Variants in RRM1 observed in about 807,000 individuals in gnomAD.
RRM1 encodes ribonucleoside-diphosphate reductase large subunit.
In RRM1, 19 loss-of-function variants were observed where a neutral mutation model predicts 101.5. The ratio of observed to expected loss-of-function variants is 0.19; its 90% CI spans 0.13 to 0.27. The LOEUF is 0.27. Among genes scored for constraint, RRM1 ranks in the 10% least tolerant of loss-of-function variants. RRM1 has a pLI of 1.00. For missense variants in RRM1, 500 were observed against 962.9 expected (o/e 0.52, Z 6.36); for synonymous variants, 298 against 323.4 (o/e 0.92, Z 0.84).
At chr11:4,109,367 G>GA (rs1473122020) in intron 4 of RRM1, among the ~76,000 whole-genome samples, 11 of 151,994 alleles carry the variant, frequency 7.2e-5, no homozygotes, top group African/African-American at 2.7e-4. Context: ...TAAAAGTTTG[G>GA]AAAATCACAT....
chr11:4,116,301 C>T (rs1245569670), intron 7 of RRM1: 9 of 152,238 alleles, frequency 5.9e-5, no homozygotes, highest in Admixed American at 5.2e-4. Flanking sequence ...TCACCGGAGT[C>T]CAATCACTGT....
In RRM1 at chr11:4,101,450, T is replaced by A. The variant is rs890103427; in HGVS notation, c.20-543T>A. Reference sequence around the variant, plus strand: ...GCCTTAGCCTCCCGAATAGCTGGGATTATAGGCCCCTGCCACCATGCCCAG... The same window carrying A: ...GCCTTAGCCTCCCGAATAGCTGGGAATATAGGCCCCTGCCACCATGCCCAG... On this transcript the variant is annotated intron_variant, in intron 1 of 18. Coordinates refer to ENST00000300738, the MANE Select transcript of RRM1 (RefSeq NM_001033.5). Among the ~76,000 whole-genome samples, 4 of 151,650 alleles carry A rather than the reference T, an allele frequency of 2.6e-5. No homozygotes were observed. In the East Asian group the frequency reaches 7.7e-4, roughly 29 times the overall value.
At chr11:4,124,021 T>C (rs1172526332) in intron 12 of RRM1, among the ~76,000 whole-genome samples, 9 of 152,188 alleles carry the variant, frequency 5.9e-5, no homozygotes, top group Non-Finnish European at 1.5e-5. Flanking sequence ...GTCTGTATGA[T>C]ACACCAGAGA....
intron 1 of RRM1, among the ~76,000 whole-genome samples, 183 bp downstream of exon 1, chr11:4,095,214 C>T (rs561412528): frequency 6.6e-6 from 1 of 152,350 alleles, no homozygotes; most frequent in East Asian, 1.9e-4. Context: ...CCCCGAACCT[C>T]CTTCGGGCCT....
chr11:4,098,179 A>G (rs2094546196), intron 1 of RRM1, among the ~76,000 whole-genome samples: 1 of 152,254 alleles, frequency 6.6e-6, no homozygotes. Flanking sequence ...GTGGATACAC[A>G]TAAAATGATA....
intron 14 of RRM1, 147 bp from the exon 15 acceptor site, chr11:4,128,927 T>C (rs1242278582): frequency 1.5e-5 from 7 of 466,874 alleles, no homozygotes; most frequent in South Asian, 4.4e-5. Context: ...GGAAAATCTC[T>C]GGAGCTTGTA....
At chr11:4,100,660 A>G (rs2094549686) in intron 1 of RRM1, among the ~76,000 whole-genome samples, 1 of 68,868 alleles carries the variant, frequency 1.5e-5, no homozygotes, top group African/African-American at 4.7e-5. Context: ...TGTGTATCAC[A>G]TACTGTGATT....
chr11:4,127,564 A>G (rs2094591934), intron 14 of RRM1, among the ~76,000 whole-genome samples: 1 of 152,194 alleles, frequency 6.6e-6, no homozygotes, highest in South Asian at 2.1e-4. Context: ...GATAACCACT[A>G]GAAGTTATAA....
intron 11 of RRM1, 117 bp from the exon 12 acceptor site, chr11:4,123,066 C>G: frequency 2.4e-6 from 2 of 829,794 alleles, no homozygotes. Flanking sequence ...TTTTCTTTAG[C>G]AAAACTTAGA....
At chr11:4,115,754 T>A (rs568391523) in intron 7 of RRM1, among the ~76,000 whole-genome samples, 9 of 152,094 alleles carry the variant, frequency 5.9e-5, no homozygotes, top group African/African-American at 2.2e-4. Flanking sequence ...ATGGGGTTTG[T>A]CCATGTTGGC....
intron 2 of RRM1, 68 bp downstream of exon 2, chr11:4,102,149 C>G: frequency 1.2e-6 from 1 of 828,054 alleles, no homozygotes; most frequent in East Asian, 2.5e-5. Context: ...TCTCTTATCC[C>G]TGGACCTTCA....
intron 2 of RRM1, among the ~76,000 whole-genome samples, chr11:4,102,937 C>T (rs573657765): frequency 6.8e-4 from 104 of 152,266 alleles, no homozygotes; most frequent in African/African-American, 2.5e-3. Flanking sequence ...TCTAATCTTA[C>T]CCTCTTCAAA....
At chr11:4,128,009 T>C (rs971043480) in intron 14 of RRM1, among the ~76,000 whole-genome samples, 1 of 152,148 alleles carries the variant, frequency 6.6e-6, no homozygotes, top group African/African-American at 2.4e-5. Context: ...TGGCAGAATA[T>C]ATTTCAAGGA....
At chr11:4,107,268 A>G (rs1160912224) in intron 3 of RRM1, among the ~76,000 whole-genome samples, 167 bp from the exon 4 acceptor site, 2 of 152,240 alleles carry the variant, frequency 1.3e-5, no homozygotes, top group African/African-American at 4.8e-5. Context: ...GAGGCATTAC[A>G]TATTTCTTCA....
In RRM1 at chr11:4,135,223, C is replaced by T. The variant is rs149624218; in HGVS notation, c.2143C>T (p.Pro715Ser). ...ATCTTTGAACATCCACATTGCTGAG[C>T]CTAACTATGGCAAACTCACTAGTAT... ...SQSLNIHIAE[P>S]NYGKLTSMHF... The change falls in exon 18 of 19, where the codon CCT (proline) becomes TCT (serine). Residue 715 changes from proline (P) to serine (S), a missense_variant. Transcript: ENST00000300738. 6.2e-7 allele frequency: 1 copy of T among 1,612,962 alleles called. No homozygotes were observed. Among genetic ancestry groups the T allele is most frequent in the Non-Finnish European group, 8.5e-7 (1 of 1,179,508 alleles).
chr11:4,116,213 G>A (rs2094573098), intron 7 of RRM1: 1 of 152,384 alleles, frequency 6.6e-6, no homozygotes, highest in Non-Finnish European at 1.5e-5. Flanking sequence ...GCGTTAGTCG[G>A]GGTGGCAGGA....
At chr11:4,120,909 C>T (rs965907793) in intron 9 of RRM1, among the ~76,000 whole-genome samples, 54 of 152,142 alleles carry the variant, frequency 3.5e-4, no homozygotes, top group African/African-American at 1.3e-3. Flanking sequence ...GTTTCAGCTT[C>T]TCTGGAGGCT....
intron 12 of RRM1, among the ~76,000 whole-genome samples, chr11:4,125,902 G>C (rs560238103): frequency 6.6e-6 from 1 of 152,198 alleles, no homozygotes; most frequent in Non-Finnish European, 1.5e-5. Flanking sequence ...GGCATCAAGA[G>C]TTCAACTGGG....
intron 2 of RRM1, among the ~76,000 whole-genome samples, chr11:4,103,022 C>G (rs959108626): frequency 6.6e-6 from 1 of 152,132 alleles, no homozygotes. Flanking sequence ...TCAAATCCAC[C>G]CATATTTCCG....
Sources: allele counts gnomAD v4.1 joint callset (sites outside exome capture counted in the v4.1 genomes callset), GRCh38; gene constraint gnomAD v4.1.1; transcripts MANE v1.5; gene names NCBI Gene and HGNC (gene_info 2026-07-23, HGNC 2026-07-21).